LIAS: variants seen among roughly 807,000 people sequenced by gnomAD.
LIAS encodes lipoyl synthase, mitochondrial.
In LIAS, 36 loss-of-function variants were observed where a neutral mutation model predicts 49.4. The ratio of observed to expected loss-of-function variants is 0.73; its 90% CI spans 0.56 to 0.96. The LOEUF (loss-of-function observed/expected upper bound fraction) is 0.96. Among genes scored for constraint, LIAS ranks in the 40% least tolerant of loss-of-function variants. The probability of loss-of-function intolerance (pLI) is 0.00; values close to 1 mark genes in which losing one functional copy is unlikely to be tolerated. For missense variants in LIAS, 399 were observed against 456.3 expected (o/e 0.87, Z 1.14); for synonymous variants, 145 against 155.8 (o/e 0.93, Z 0.52).
At chr4:39,466,948 A>G (rs942115661) in intron 6 of LIAS, 2 of 152,208 alleles carry the variant, frequency 1.3e-5, no homozygotes, top group Non-Finnish European at 2.9e-5. Context: ...TAGCCACAAT[A>G]TAAATAGGAA....
At chr4:39,459,423 T>A (rs550542219) in intron 1 of LIAS, among the ~76,000 whole-genome samples, 14 of 152,310 alleles carry the variant, frequency 9.2e-5, no homozygotes, top group African/African-American at 3.4e-4. Context: ...GTACCCTATA[T>A]TTATGGAGCA....
At position 39,477,016 on chromosome 4, in the gene LIAS, T is replaced by TC. The variant is rs745755982; in HGVS notation, c.1067-47_1067-46insC. On this transcript the variant is annotated intron_variant, in intron 10 of 10. Transcript: ENST00000640888. ...AATTCTGAAATAGTTGTCTCACTGT[T>TC]ATTTACTTTAAATTGATATTAATGT... 394 of 1,231,988 alleles carry TC rather than the reference T, an allele frequency of 3.2e-4. 1 individual carries two copies. The highest frequency in any genetic ancestry group is 1.4e-3 in the South Asian group (104 of 72,916). The allele number at this position is 1,231,988 out of a possible 1,614,324, so 76.3% of individuals were successfully genotyped here. A position where few individuals can be genotyped will look rare whatever the true frequency, so the allele number is the denominator to read the frequency against.
Position 39,467,624 on chromosome 4 carries a change from G to A in LIAS, c.715G>A (p.Glu239Lys). 6.3e-7 allele frequency: 1 copy of A among 1,587,938 alleles called. No homozygotes were observed. The highest frequency in any genetic ancestry group is 8.6e-7 in the Non-Finnish European group (1 of 1,166,468). ...ATTAGATGTGTATGCACATAATGTA[G>A]AAACAGTCCCGGAATTACAGAGGTG... ...SGLDVYAHNV[E>K]TVPELQSKVR... Residue 239 changes from glutamate (E) to lysine (K), a missense_variant, in exon 7 of 11, where the codon GAA (glutamate) becomes AAA (lysine). Glu to Lys is a moderately conservative substitution (Grantham distance 56, BLOSUM62 1). Transcript: ENST00000640888.
intron 4 of LIAS, chr4:39,463,847 G>C (rs1170784318): frequency 3.0e-6 from 2 of 661,494 alleles, no homozygotes; most frequent in Non-Finnish European, 4.3e-6. Context: ...GCTGCCTTGA[G>C]ATACCTCTCC....
At chr4:39,461,823 T>C (rs1433163151) in intron 2 of LIAS, among the ~76,000 whole-genome samples, 4 of 152,192 alleles carry the variant, frequency 2.6e-5, no homozygotes, top group Non-Finnish European at 5.9e-5. Flanking sequence ...GCCTCCCAAG[T>C]AGCTGGGACT....
At chr4:39,462,804 G>A (rs1280757125) in intron 3 of LIAS, among the ~76,000 whole-genome samples, 3 of 152,228 alleles carry the variant, frequency 2.0e-5, no homozygotes. Flanking sequence ...GGCCAACATG[G>A]TGAAACCCCG....
rs551024345 is a variant in LIAS at position 39,459,095 on chromosome 4, A to G, written c.-23A>G. 1.9e-6 allele frequency: 3 copies of G among 1,614,062 alleles called. No individual in the cohort carries two copies. The highest frequency in any genetic ancestry group is 1.7e-5 in the Admixed American group (1 of 60,026). On this transcript the variant is annotated 5_prime_UTR_variant, in exon 1 of 11. Coordinates refer to ENST00000640888, the MANE Select transcript of LIAS (RefSeq NM_006859.4). ...GAGTTAGCGATCCCTCAACCCCTGC[A>G]CTGCGCTAGTCCTAAAGAGGAAATG...
intron 9 of LIAS, among the ~76,000 whole-genome samples, chr4:39,471,906 C>T (rs1470322716): frequency 6.6e-6 from 1 of 151,928 alleles, no homozygotes; most frequent in Non-Finnish European, 1.5e-5. Flanking sequence ...TTAGGTGATC[C>T]ACCCGCCTCA....
At chr4:39,461,999 G>C (rs1166277469) in intron 2 of LIAS, among the ~76,000 whole-genome samples, 197 bp from the exon 3 acceptor site, 4 of 151,920 alleles carry the variant, frequency 2.6e-5, no homozygotes, top group African/African-American at 9.7e-5. Context: ...GGCCATTATT[G>C]GTGTTTTCTA....
At chr4:39,463,856 C>A in intron 4 of LIAS, 1 of 581,306 alleles carries the variant, frequency 1.7e-6, no homozygotes, top group Non-Finnish European at 2.5e-6. Flanking sequence ...AGATACCTCT[C>A]CTATCAATGT....
intron 10 of LIAS, among the ~76,000 whole-genome samples, chr4:39,474,156 G>A (rs941997297): frequency 1.3e-5 from 2 of 151,734 alleles, no homozygotes; most frequent in Admixed American, 1.3e-4. Flanking sequence ...CCAGCTACTC[G>A]GGAGGCTGAG....
chr4:39,476,831 G>T, intron 10 of LIAS: 1 of 447,616 alleles, frequency 2.2e-6, no homozygotes, highest in East Asian at 4.4e-5. Flanking sequence ...TGGCTTACTA[G>T]AAAGAATAAT....
chr4:39,464,743 A>C (rs1184198051), intron 4 of LIAS, among the ~76,000 whole-genome samples: 1 of 152,164 alleles, frequency 6.6e-6, no homozygotes, highest in Admixed American at 6.5e-5. Flanking sequence ...CTTCCAGAGT[A>C]GCTGGGATTA....
chr4:39,476,962 C>CT, intron 10 of LIAS, 101 bp from the exon 11 acceptor site: 1 of 756,906 alleles, frequency 1.3e-6, no homozygotes, highest in Non-Finnish European at 2.1e-6. Flanking sequence ...ATACAAAAGT[C>CT]TTCTTTAAAG....
chr4:39,477,030 TG>T, intron 10 of LIAS, 32 bp from the exon 11 acceptor site: 1 of 1,344,816 alleles, frequency 7.4e-7, no homozygotes, highest in Non-Finnish European at 1.0e-6. Context: ...TACTTTAAAT[TG>T]ATATTAATGT....
Position 39,463,599 on chromosome 4 carries a change from G to A in LIAS, c.387G>A (p.Thr129=), listed in dbSNP as rs746196972. The A allele has an allele frequency of 2.5e-6, 4 of 1,612,438 alleles. No homozygotes were observed. The highest frequency in any genetic ancestry group is 1.3e-5 in the African/African-American group (1 of 74,880). Residue 129 remains threonine (T), a synonymous_variant, in exon 4 of 11, where the codon ACG becomes ACA. Transcript: ENST00000640888. ...GGGEYATATA[T]IMLMGDTCTR... is the part of the protein sequence containing the mutation. ...GAGAATATGCCACCGCCACAGCCAC[G>A]ATCATGGTAGGGCCAGCCTCAACCT...
chr4:39,459,874 C>A (rs1441260049), intron 1 of LIAS, among the ~76,000 whole-genome samples: 1 of 151,548 alleles, frequency 6.6e-6, no homozygotes. Flanking sequence ...GCAGGAGAAT[C>A]GCTTGAACCC....
chr4:39,460,956 G>A lies in LIAS; in HGVS notation c.212G>A (p.Gly71Glu), dbSNP rs753903111. The change falls in exon 2 of 11, where the codon GGA becomes GAA. Residue 71 changes from glycine (G) to glutamate (E), a missense_variant. Physicochemically the swap from Gly to Glu is moderately conservative, Grantham distance 98. Transcript: ENST00000640888. ...AAAGGAAACCTAAAACGCCAGAAAG[G>A]AGAAAGGTAATTGAAAATTTGAGAT... is the stretch of plus-strand genomic sequence containing the variant. ...EYKGNLKRQK[G>E]ERLRLPPWLK... is the part of the protein sequence containing the mutation. The A allele has an allele frequency of 6.3e-7, 1 of 1,584,854 alleles. No individual in the cohort carries two copies. The highest frequency in any genetic ancestry group is 8.6e-7 in the Non-Finnish European group (1 of 1,168,742).
In LIAS at chr4:39,462,243, A is replaced by T. The variant is rs1230898917; in HGVS notation, c.266A>T (p.Asn89Ile). The T allele has an allele frequency of 3.8e-6, 6 of 1,569,086 alleles. No homozygotes were observed. Among genetic ancestry groups the T allele is most frequent in the Non-Finnish European group, 5.2e-6 (6 of 1,160,714 alleles). Residue 89 changes from asparagine to isoleucine, a missense_variant, in exon 3 of 11, where the codon AAT becomes ATT. This residue lies in a region of LIAS where 159 missense variants were observed against 147.6 expected (regional missense o/e 1.08). Transcript: ENST00000640888. ...AAGACAGAGATTCCCATGGGGAAAA[A>T]TTACAATAAACTGAAAAATACTTTG... ...WLKTEIPMGK[N>I]YNKLKNTLRN...
Sources: allele counts gnomAD v4.1 joint callset (sites outside exome capture counted in the v4.1 genomes callset), GRCh38; gene constraint gnomAD v4.1.1; regional missense constraint gnomAD v4.1.1; transcripts MANE v1.5; gene names NCBI Gene and HGNC (gene_info 2026-07-23, HGNC 2026-07-21).